The following ATP8B1 variants were observed in gnomAD, a reference collection of about 807,000 sequenced individuals.
ATP8B1 encodes the protein ATPase phospholipid transporting 8B1.
In ATP8B1, 80 loss-of-function variants were observed where a neutral mutation model predicts 149.9. The observed-to-expected ratio is 0.53, with a 90% CI of 0.45 to 0.64. ATP8B1 has a LOEUF of 0.64. Ranked by LOEUF, ATP8B1 falls within the 30% of genes least tolerant of loss-of-function variation. The probability of loss-of-function intolerance (pLI) is 0.00; values close to 1 mark genes in which losing one functional copy is unlikely to be tolerated. For synonymous variants in ATP8B1, 536 were observed against 562.8 expected (o/e 0.95, Z 0.67); for missense variants, 1,247 against 1,552.6 (o/e 0.80, Z 3.31).
rs1911017928 is a variant in ATP8B1, at chr18:57,668,412, C to T, written c.2209+17G>A. 1 of 1,565,876 alleles carries T rather than the reference C, an allele frequency of 6.4e-7. No individual in the cohort carries two copies. The highest frequency in any genetic ancestry group is 1.1e-5 in the South Asian group (1 of 90,136). On this transcript the variant is annotated intron_variant, in intron 19 of 27. Coordinates refer to ENST00000648908, the MANE Select transcript of ATP8B1 (RefSeq NM_001374385.1). ...ATTTGTGAATTAACAGATATGCTTC[C>T]CTGCACAATGAATTACCCTTTTTGT... is the stretch of plus-strand genomic sequence containing the variant.
At chr18:57,767,854 A>G (rs2080227440) in intron 1 of ATP8B1, among the ~76,000 whole-genome samples, 1 of 151,782 alleles carries the variant, frequency 6.6e-6, no homozygotes, top group African/African-American at 2.4e-5. Context: ...CTGGTCCAGG[A>G]AATGAAGTAT....
At chr18:57,709,452 A>T (rs916364271) in intron 2 of ATP8B1, among the ~76,000 whole-genome samples, 2 of 152,202 alleles carry the variant, frequency 1.3e-5, no homozygotes, top group African/African-American at 4.8e-5. Flanking sequence ...CTTTTTAAAA[A>T]ATCACAGAAC....
chr18:57,697,981 C>G, intron 6 of ATP8B1, 114 bp from the exon 7 acceptor site: 3 of 1,041,572 alleles, frequency 2.9e-6, no homozygotes, highest in Non-Finnish European at 4.4e-6. Flanking sequence ...AGAGAAAATG[C>G]TAAAATTTTG....
At chr18:57,672,931 T>TATGTATATAA (rs1301236712) in intron 16 of ATP8B1, among the ~76,000 whole-genome samples, 9 of 33,196 alleles carry the variant, frequency 2.7e-4, no homozygotes, top group Non-Finnish European at 3.4e-4. Context: ...TATATATATA[T>TATGTATATAA]AACATGTATA....
rs1182408411 is a variant in ATP8B1, at chr18:57,694,656, T to C, written c.955A>G (p.Ile319Val). 1.9e-6 allele frequency: 3 copies of C among 1,589,856 alleles called. No homozygotes were observed. Among genetic ancestry groups the C allele is most frequent in the Non-Finnish European group, 8.6e-7 (1 of 1,158,238 alleles). Reference sequence around the variant, plus strand: ...CTGGTTTTCCCACTATTCTTCATTATTTTAGTGTCAGCACCTGAAAATGGA... The same window carrying C: ...CTGGTTTTCCCACTATTCTTCATTACTTTAGTGTCAGCACCTGAAAATGGA... Reference protein sequence around the residue: ...LVIFAGADTKIMKNSGKTRFK... With the variant: ...LVIFAGADTKVMKNSGKTRFK... Residue 319 changes from isoleucine to valine, a missense_variant, in exon 11 of 28, where the codon ATA becomes GTA. This residue lies in a region of ATP8B1 where 853 missense variants were observed against 1,035.7 expected (regional missense o/e 0.82). Transcript: ENST00000648908.
At chr18:57,713,240 C>CTTCTTTCTTTCTTTCT (rs1222147907) in intron 2 of ATP8B1, among the ~76,000 whole-genome samples, 105 of 64,964 alleles carry the variant, frequency 1.6e-3, no homozygotes, top group East Asian at 3.3e-3. Flanking sequence ...TCCTTCCTTC[C>CTTCTTTCTTTCTTTCT]TTCTTTCTTT....
At chr18:57,747,723 A>G (rs956085116) in intron 1 of ATP8B1, among the ~76,000 whole-genome samples, 36 of 152,218 alleles carry the variant, frequency 2.4e-4, no homozygotes, top group African/African-American at 8.2e-4. Flanking sequence ...TTTCCTGAAC[A>G]TCTAAGACTG....
At chr18:57,780,639 C>T (rs2080348272) in intron 1 of ATP8B1, among the ~76,000 whole-genome samples, 2 of 152,190 alleles carry the variant, frequency 1.3e-5, no homozygotes, top group South Asian at 2.1e-4. Context: ...TTCATTTAAA[C>T]CCTAAGAAAT....
intron 1 of ATP8B1, among the ~76,000 whole-genome samples, chr18:57,769,153 A>C (rs1038338708): frequency 1.3e-5 from 2 of 152,316 alleles, no homozygotes; most frequent in Middle Eastern, 3.4e-3. Flanking sequence ...GGACCAGCTC[A>C]GAAAGAAAGC....
intron 27 of ATP8B1, among the ~76,000 whole-genome samples, chr18:57,650,071 G>A (rs1276104093): frequency 1.3e-5 from 2 of 152,188 alleles, no homozygotes; most frequent in African/African-American, 4.8e-5. Context: ...AACCCAATCT[G>A]ATTTGTATGA....
At chr18:57,721,062 C>T (rs2079641294) in intron 2 of ATP8B1, among the ~76,000 whole-genome samples, 1 of 113,974 alleles carries the variant, frequency 8.8e-6, no homozygotes, top group Non-Finnish European at 1.9e-5. Context: ...ATTTTGTCAC[C>T]ACCAGGCCTG....
intron 1 of ATP8B1, among the ~76,000 whole-genome samples, chr18:57,775,101 C>A (rs1429119795): frequency 1.3e-5 from 2 of 152,030 alleles, no homozygotes; most frequent in Non-Finnish European, 1.5e-5. Context: ...ACTGCTTGAG[C>A]CTGGAGAGTT....
intron 1 of ATP8B1, among the ~76,000 whole-genome samples, chr18:57,783,961 C>T (rs773230324): frequency 1.3e-5 from 2 of 152,190 alleles, no homozygotes; most frequent in Non-Finnish European, 2.9e-5. Flanking sequence ...TTCTGGGCTT[C>T]CCCTGTTCTC....
intron 1 of ATP8B1, among the ~76,000 whole-genome samples, chr18:57,789,523 A>T (rs2080441118): frequency 6.6e-6 from 1 of 152,226 alleles, no homozygotes; most frequent in Non-Finnish European, 1.5e-5. Context: ...ACTACCCTAC[A>T]CACATGAAAA....
chr18:57,775,423 GA>G (rs993264931), intron 1 of ATP8B1, among the ~76,000 whole-genome samples: 38 of 151,946 alleles, frequency 2.5e-4, no homozygotes, highest in African/African-American at 8.9e-4. Flanking sequence ...GGGAAAAGGA[GA>G]AGGAAAGACA....
rs563949637 is a variant in ATP8B1, at chr18:57,647,039, C to G, written c.*1449G>C. On this transcript the variant is annotated 3_prime_UTR_variant, in exon 28 of 28. Coordinates refer to ENST00000648908, the MANE Select transcript of ATP8B1 (RefSeq NM_001374385.1). ...TCTTAGGAATGTGGCTGCCAATAAC[C>G]TTTTCTCTCGACATAAGACAAGTGA... 6.6e-6 allele frequency: 1 copy of G among 152,146 alleles called. No individual in the cohort carries two copies. The highest frequency in any genetic ancestry group is 1.9e-4 in the East Asian group (1 of 5,202). The allele number at this position is 152,146 out of a possible 1,614,324, so 9.4% of individuals were successfully genotyped here. A position where few individuals can be genotyped will look rare whatever the true frequency, so the allele number is the denominator to read the frequency against.
At chr18:57,719,621 T>C (rs1343615750) in intron 2 of ATP8B1, among the ~76,000 whole-genome samples, 1 of 152,082 alleles carries the variant, frequency 6.6e-6, no homozygotes, top group Non-Finnish European at 1.5e-5. Flanking sequence ...GCCCACGGAA[T>C]CTCACTGATT....
intron 1 of ATP8B1, among the ~76,000 whole-genome samples, chr18:57,791,233 C>T (rs2080460610): frequency 6.6e-6 from 1 of 152,120 alleles, no homozygotes; most frequent in African/African-American, 2.4e-5. Context: ...TAAGTGGAAT[C>T]ACAAAATATT....
chr18:57,757,799 T>G (rs1412297414), intron 1 of ATP8B1, among the ~76,000 whole-genome samples: 2 of 152,160 alleles, frequency 1.3e-5, no homozygotes, highest in African/African-American at 4.8e-5. Context: ...GTTTAAAATT[T>G]CTTTGCGAGT....
Sources: allele counts gnomAD v4.1 joint callset (sites outside exome capture counted in the v4.1 genomes callset), GRCh38; gene constraint gnomAD v4.1.1; regional missense constraint gnomAD v4.1.1; transcripts MANE v1.5; gene names NCBI Gene and HGNC (gene_info 2026-07-23, HGNC 2026-07-21).